LMX1B: variants seen among roughly 807,000 people sequenced by gnomAD.
LMX1B encodes the protein LIM homeobox transcription factor 1 beta.
LMX1B carries 12 observed loss-of-function variants against 51.4 expected under a neutral mutation model. The ratio of observed to expected loss-of-function variants is 0.23; its 90% CI spans 0.15 to 0.38. The LOEUF (loss-of-function observed/expected upper bound fraction) is 0.38, where lower values mean the gene tolerates loss of function less well. LMX1B is among the 10% of genes least tolerant of loss of function. The pLI is 1.00. For synonymous variants in LMX1B, 237 were observed against 235.4 expected, an observed-to-expected ratio of 1.01 and a Z score of -0.06; for missense variants, 445 against 571.1, an observed-to-expected ratio of 0.78 and a Z score of 2.25.
chr9:126,654,592 C>T (rs927690714), intron 2 of LMX1B, among the ~76,000 whole-genome samples: 1 of 152,192 alleles, frequency 6.6e-6, no homozygotes, highest in African/African-American at 2.4e-5. Context: ...TTCTCTCTTG[C>T]CCAAACTGTA....
intron 2 of LMX1B, among the ~76,000 whole-genome samples, chr9:126,674,389 T>TG (rs150764525): frequency 0.11 from 17,325 of 151,998 alleles, 1,030 homozygotes; most frequent in South Asian, 0.16. Flanking sequence ...TGGAGGAGGC[T>TG]GGGGGGGCAT....
chr9:126,647,149 C>G (rs918604747), intron 2 of LMX1B, among the ~76,000 whole-genome samples: 3 of 151,892 alleles, frequency 2.0e-5, no homozygotes, highest in Non-Finnish European at 2.9e-5. Context: ...CTGCAGTGTG[C>G]TATGATGGCA....
At chr9:126,682,461 G>A (rs998939922) in intron 2 of LMX1B, among the ~76,000 whole-genome samples, 8 of 152,168 alleles carry the variant, frequency 5.3e-5, no homozygotes, top group Admixed American at 1.3e-4. Context: ...ATAGATCAGT[G>A]TTACTGTCCT....
chr9:126,688,236 AC>A (rs2118981613), intron 2 of LMX1B, among the ~76,000 whole-genome samples: 1 of 151,934 alleles, frequency 6.6e-6, no homozygotes, highest in South Asian at 2.1e-4. Flanking sequence ...GTAGCAATCG[AC>A]CCCCTGCTGC....
chr9:126,659,029 C>T (rs2118916963), intron 2 of LMX1B, among the ~76,000 whole-genome samples: 1 of 152,306 alleles, frequency 6.6e-6, no homozygotes, highest in East Asian at 1.9e-4. Context: ...TGGGGTCTGC[C>T]GAGGTATCCT....
intron 3 of LMX1B, 32 bp from the exon 4 acceptor site, chr9:126,693,110 C>G: frequency 6.5e-7 from 1 of 1,548,088 alleles, no homozygotes; most frequent in Non-Finnish European, 8.7e-7. Context: ...GCCCCCGCCC[C>G]TTCATCACAG....
chr9:126,677,847 A>C lies in LMX1B; in HGVS notation c.327-12989A>C, dbSNP rs1836594940. On this transcript the variant is annotated intron_variant, in intron 2 of 7. Transcript: ENST00000373474. This position sits in a 1 kb window ranked among gnomAD's most constrained non-coding sequence, Gnocchi z 5.0. ...ATCTCAGGAAAGAGACTGGGTAGTA[A>C]GGCCCTCCATGACTGGGCTAACAAA... 6.6e-6 allele frequency among the ~76,000 whole-genome samples: 1 copy of C among 152,200 alleles called. No individual in the cohort carries two copies. Among genetic ancestry groups the C allele is most frequent in the African/African-American group, 2.4e-5 (1 of 41,452 alleles).
intron 2 of LMX1B, among the ~76,000 whole-genome samples, chr9:126,655,507 A>G (rs927265493): frequency 6.6e-6 from 1 of 152,168 alleles, no homozygotes; most frequent in Non-Finnish European, 1.5e-5. Flanking sequence ...TTTGTCCCCT[A>G]CTAGCTGAGA....
chr9:126,692,822 A>G (rs2030180144), intron 3 of LMX1B, among the ~76,000 whole-genome samples: 1 of 152,226 alleles, frequency 6.6e-6, no homozygotes, highest in Non-Finnish European at 1.5e-5. Flanking sequence ...ACGTGTGTGC[A>G]TGCCTGTGCT....
At position 126,619,560 on chromosome 9, in the gene LMX1B, A is replaced by G. The variant is rs187600721; in HGVS notation, c.326+3991A>G. Among the ~76,000 whole-genome samples the G allele has an allele frequency of 2.0e-5, 3 of 152,284 alleles. No homozygotes were observed. In the East Asian group the frequency reaches 5.8e-4, roughly 30 times the overall value. On this transcript the variant is annotated intron_variant, in intron 2 of 7. Coordinates refer to ENST00000373474, the MANE Select transcript of LMX1B (RefSeq NM_001174147.2). ...GACTTTGCCTTACAAAAAGGCTTCT[A>G]TGGTGCTGTCTCTGGGGGCTGAGGC... is the stretch of plus-strand genomic sequence containing the variant.
chr9:126,648,193 A>G (rs1835937327), intron 2 of LMX1B, among the ~76,000 whole-genome samples: 1 of 152,240 alleles, frequency 6.6e-6, no homozygotes, highest in African/African-American at 2.4e-5. Context: ...CATTTGTAAC[A>G]ATATGGAAAT....
chr9:126,640,411 G>T (rs1357916045), intron 2 of LMX1B, among the ~76,000 whole-genome samples: 2 of 152,252 alleles, frequency 1.3e-5, no homozygotes, highest in African/African-American at 4.8e-5. Flanking sequence ...AAGAAGGCCA[G>T]TCCTTCCACT....
chr9:126,670,111 C>T (rs1380635113), intron 2 of LMX1B, among the ~76,000 whole-genome samples: 1 of 152,186 alleles, frequency 6.6e-6, no homozygotes, highest in African/African-American at 2.4e-5. Context: ...CCAAGAGAGT[C>T]CCGGCGTGTG....
At chr9:126,681,180 G>A (rs1425728703) in intron 2 of LMX1B, among the ~76,000 whole-genome samples, 1 of 152,132 alleles carries the variant, frequency 6.6e-6, no homozygotes, top group East Asian at 1.9e-4. Context: ...CTGTGTGATT[G>A]TATCTCTGGG....
At chr9:126,657,000 CT>C (rs1836130089) in intron 2 of LMX1B, among the ~76,000 whole-genome samples, 1 of 152,194 alleles carries the variant, frequency 6.6e-6, no homozygotes, top group Non-Finnish European at 1.5e-5. Context: ...CCAGATCTGG[CT>C]TTTTCCTATT....
intron 2 of LMX1B, among the ~76,000 whole-genome samples, chr9:126,643,196 G>A (rs553727066): frequency 6.6e-6 from 1 of 152,240 alleles, no homozygotes; most frequent in South Asian, 2.1e-4. Context: ...CAGGTAGCTG[G>A]ATCAGCTCTC....
intron 2 of LMX1B, among the ~76,000 whole-genome samples, chr9:126,683,165 AC>A (rs1836708069): frequency 6.6e-6 from 1 of 150,854 alleles, no homozygotes; most frequent in Non-Finnish European, 1.5e-5. Flanking sequence ...CCCGGCCCCG[AC>A]GCGGCGAGGA....
In LMX1B at chr9:126,673,350, G is replaced by A. The variant is rs980093948; in HGVS notation, c.327-17486G>A. Among the ~76,000 whole-genome samples, 3 of 152,132 alleles carry A rather than the reference G, an allele frequency of 2.0e-5. No homozygotes were observed. Among genetic ancestry groups the A allele is most frequent in the Non-Finnish European group, 2.9e-5 (2 of 68,014 alleles). On this transcript the variant is annotated intron_variant, in intron 2 of 7. Coordinates refer to ENST00000373474, the MANE Select transcript of LMX1B (RefSeq NM_001174147.2). The surrounding 1 kb of genome is among the most constrained non-coding windows in gnomAD (Gnocchi z 4.4). ...GTGCTGCTGGCTGGACTTCCTGGGC[G>A]TCTGACACACCAGGCCCCACAAACA...
At chr9:126,636,062 C>G (rs1198382175) in intron 2 of LMX1B, among the ~76,000 whole-genome samples, 1 of 152,166 alleles carries the variant, frequency 6.6e-6, no homozygotes, top group African/African-American at 2.4e-5. Flanking sequence ...GAGCCCTCCC[C>G]TCTATGAGCC....
Sources: allele counts gnomAD v4.1 joint callset (sites outside exome capture counted in the v4.1 genomes callset), GRCh38; gene constraint gnomAD v4.1.1; non-coding constraint Gnocchi (gnomAD v3.1); transcripts MANE v1.5; gene names NCBI Gene and HGNC (gene_info 2026-07-23, HGNC 2026-07-21).